The following LRRC8D variants were observed in gnomAD, a reference collection of about 807,000 sequenced individuals.
LRRC8D encodes volume-regulated anion channel subunit LRRC8D.
A neutral mutation model predicts 55.8 loss-of-function variants in LRRC8D; 20 were observed. The observed-to-expected ratio is 0.36, with a 90% CI of 0.25 to 0.52. LRRC8D has a LOEUF of 0.52. Among genes scored for constraint, LRRC8D ranks in the 20% least tolerant of loss-of-function variants. The pLI is 0.93. For missense variants in LRRC8D, 651 were observed against 1,030.8 expected (o/e 0.63, Z 5.05); for synonymous variants, 352 against 377.0 (o/e 0.93, Z 0.77).
intron 2 of LRRC8D, among the ~76,000 whole-genome samples, chr1:89,892,885 A>T (rs1324542667): frequency 6.6e-6 from 1 of 152,242 alleles, no homozygotes; most frequent in African/African-American, 2.4e-5. Flanking sequence ...CTTTCTTGAA[A>T]TCAAGTAAAA....
At chr1:89,917,720 C>G (rs1035746565) in intron 2 of LRRC8D, among the ~76,000 whole-genome samples, 1 of 152,246 alleles carries the variant, frequency 6.6e-6, no homozygotes, top group Admixed American at 6.5e-5. Context: ...AAGGTCCAAG[C>G]TTCCTGGGAT....
chr1:89,845,693 T>C (rs1661257109), intron 2 of LRRC8D, among the ~76,000 whole-genome samples: 1 of 152,140 alleles, frequency 6.6e-6, no homozygotes, highest in South Asian at 2.1e-4. Flanking sequence ...CACCTCAGCC[T>C]TCCAAAATAC....
chr1:89,934,511 G>T lies in LRRC8D; in HGVS notation c.1443G>T (p.Gly481=), dbSNP rs779369582. ...AGTTGCATCTGTTCATGCTGTCGGGGGTGCCCGATGCTGTCTTTGACCTCA... is the reference window on the plus strand; with the variant it reads ...AGTTGCATCTGTTCATGCTGTCGGGTGTGCCCGATGCTGTCTTTGACCTCA... ...KQELHLFMLS[G]VPDAVFDLTD... Residue 481 remains glycine (G), a synonymous_variant, in exon 3 of 3, where the codon GGG becomes GGT. Coordinates refer to ENST00000337338, the MANE Select transcript of LRRC8D (RefSeq NM_001134479.2). The surrounding 1 kb of genome is among the most constrained non-coding windows in gnomAD (Gnocchi z 5.9). 5 of 1,614,134 alleles carry T rather than the reference G, an allele frequency of 3.1e-6. No individual in the cohort carries two copies. The highest frequency in any genetic ancestry group is 4.2e-6 in the Non-Finnish European group (5 of 1,180,006).
At chr1:89,829,987 G>T (rs1239663862) in intron 1 of LRRC8D, among the ~76,000 whole-genome samples, 1 of 152,034 alleles carries the variant, frequency 6.6e-6, no homozygotes, top group East Asian at 1.9e-4. Context: ...ATTTGCTAAG[G>T]TGTTATGTCT....
intron 2 of LRRC8D, among the ~76,000 whole-genome samples, chr1:89,845,620 A>G (rs1416732361): frequency 6.6e-6 from 1 of 151,922 alleles, no homozygotes; most frequent in Admixed American, 6.6e-5. Flanking sequence ...TATTTTTAGT[A>G]GAGACAGGGT....
At chr1:89,865,251 A>G (rs1661812927) in intron 2 of LRRC8D, among the ~76,000 whole-genome samples, 1 of 151,466 alleles carries the variant, frequency 6.6e-6, no homozygotes, top group Middle Eastern at 3.2e-3. Context: ...AATGAATTTC[A>G]TTCCTTTAAA....
chr1:89,890,527 G>A (rs147243799), intron 2 of LRRC8D, among the ~76,000 whole-genome samples: 34 of 152,276 alleles, frequency 2.2e-4, no homozygotes, highest in Admixed American at 1.3e-4. Flanking sequence ...CAGCCTCTCC[G>A]TATCCCCTTT....
At chr1:89,831,509 G>T (rs186357421) in intron 1 of LRRC8D, among the ~76,000 whole-genome samples, 2 of 152,194 alleles carry the variant, frequency 1.3e-5, no homozygotes, top group East Asian at 3.9e-4. Context: ...TTGGAGTTGA[G>T]TAAAGAGATC....
intron 2 of LRRC8D, among the ~76,000 whole-genome samples, chr1:89,866,679 A>G (rs1661857108): frequency 6.6e-6 from 1 of 152,156 alleles, no homozygotes; most frequent in African/African-American, 2.4e-5. Flanking sequence ...GAGGAATGTC[A>G]AGCTTTGTTT....
At chr1:89,903,759 C>T (rs1662922062) in intron 2 of LRRC8D, among the ~76,000 whole-genome samples, 2 of 152,144 alleles carry the variant, frequency 1.3e-5, no homozygotes, top group Non-Finnish European at 2.9e-5. Context: ...TCATAACTAG[C>T]AATAACTGTG....
In LRRC8D at chr1:89,934,771, T is replaced by C. The variant is rs1406823302; in HGVS notation, c.1703T>C (p.Ile568Thr). 2 of 1,614,170 alleles carry C rather than the reference T, an allele frequency of 1.2e-6. No individual in the cohort carries two copies. Among genetic ancestry groups the C allele is most frequent in the South Asian group, 1.1e-5 (1 of 91,078 alleles). Residue 568 changes from isoleucine to threonine, a missense_variant, in exon 3 of 3, where the codon ATA becomes ACA. By Grantham distance (89) the Ile-to-Thr change is moderately conservative. Transcript: ENST00000337338. The surrounding 1 kb of genome is among the most constrained non-coding windows in gnomAD (Gnocchi z 5.9). ...AAAAACCTTCGAGAGTTGTACTTAATAGGCAATTTGAACTCTGAAAACAAT... is the reference window on the plus strand; with the variant it reads ...AAAAACCTTCGAGAGTTGTACTTAACAGGCAATTTGAACTCTGAAAACAAT... ...LLKNLRELYL[I>T]GNLNSENNKM...
intron 2 of LRRC8D, among the ~76,000 whole-genome samples, chr1:89,890,431 G>T (rs1662546370): frequency 6.6e-6 from 1 of 152,124 alleles, no homozygotes; most frequent in Non-Finnish European, 1.5e-5. Flanking sequence ...TATAGCCCCA[G>T]GCTTTGTATG....
At chr1:89,857,021 A>G (rs1408049982) in intron 2 of LRRC8D, among the ~76,000 whole-genome samples, 1 of 152,202 alleles carries the variant, frequency 6.6e-6, no homozygotes, top group Non-Finnish European at 1.5e-5. Context: ...TAAAACAAAA[A>G]AATACCCCAA....
chr1:89,873,996 T>C (rs1289217220), intron 2 of LRRC8D, among the ~76,000 whole-genome samples: 1 of 152,240 alleles, frequency 6.6e-6, no homozygotes, highest in Non-Finnish European at 1.5e-5. Flanking sequence ...GTAAATGTTA[T>C]TTATCACTAT....
At chr1:89,846,160 A>G (rs1251187077) in intron 2 of LRRC8D, among the ~76,000 whole-genome samples, 1 of 151,984 alleles carries the variant, frequency 6.6e-6, no homozygotes, top group Non-Finnish European at 1.5e-5. Flanking sequence ...AGCATCTGTC[A>G]CTCTGCTCTA....
intron 2 of LRRC8D, among the ~76,000 whole-genome samples, chr1:89,894,147 A>G (rs189610300): frequency 5.3e-4 from 80 of 152,360 alleles, no homozygotes; most frequent in Non-Finnish European, 1.0e-3. Flanking sequence ...TTTTCTCACC[A>G]TGTGAGGATA....
At chr1:89,931,854 G>C (rs1663712669) in intron 2 of LRRC8D, among the ~76,000 whole-genome samples, 1 of 152,030 alleles carries the variant, frequency 6.6e-6, no homozygotes, top group Admixed American at 6.6e-5. Flanking sequence ...TACTTGCCTT[G>C]ATTTTTATTG....
At position 89,936,273 on chromosome 1, in the gene LRRC8D, G is replaced by GT. The variant is rs1376490603; in HGVS notation, c.*635dup. ...AGGTATGTGGATTTTTAGGGGTTTT[G>GT]TTTTTTTAAGAATAAGTAACAAGAA... On this transcript the variant is annotated 3_prime_UTR_variant, in exon 3 of 3. Transcript: ENST00000337338. 1 of 166,878 alleles carries GT rather than the reference G, an allele frequency of 6.0e-6. No individual in the cohort carries two copies. The highest frequency in any genetic ancestry group is 1.5e-5 in the Non-Finnish European group (1 of 68,060). The allele number at this position is 166,878 out of a possible 1,614,324, so 10.3% of individuals were successfully genotyped here.
rs1020365520 is a variant in LRRC8D, at chr1:89,935,812, G to A, written c.*167G>A. The A allele has an allele frequency of 8.4e-6, 5 of 597,172 alleles. No individual in the cohort carries two copies. Among genetic ancestry groups the A allele is most frequent in the African/African-American group, 7.5e-5 (4 of 52,990 alleles). The allele number at this position is 597,172 out of a possible 1,614,324, so 37.0% of individuals were successfully genotyped here. A position where few individuals can be genotyped will look rare whatever the true frequency, so the allele number is the denominator to read the frequency against. On this transcript the variant is annotated 3_prime_UTR_variant, in exon 3 of 3. Transcript: ENST00000337338. ...TAGAAGACATAACTGAATGTTCAAT[G>A]TTTGTAGGGTTTTAAGTCATTCATT...
Sources: gnomAD v4.1 joint callset for allele counts (sites outside exome capture counted in the v4.1 genomes callset) on GRCh38, gnomAD v4.1.1 for gene constraint, Gnocchi (gnomAD v3.1) non-coding constraint, MANE v1.5 for transcripts, NCBI Gene and HGNC (gene_info 2026-07-23, HGNC 2026-07-21) for gene names.